The following CUX1 variants were observed in gnomAD, a reference collection of about 807,000 sequenced individuals.
The protein encoded by CUX1 is protein CASP.
A neutral mutation model predicts 158.8 loss-of-function variants in CUX1; 31 were observed. The ratio of observed to expected loss-of-function variants is 0.20; its 90% confidence interval spans 0.15 to 0.26. The LOEUF (loss-of-function observed/expected upper bound fraction) is 0.26. CUX1 is among the 10% of genes least tolerant of loss of function. The pLI, the probability that CUX1 is intolerant of heterozygous loss-of-function variation, is 1.00. For missense variants in CUX1, 1,589 were observed against 2,014.6 expected, an observed-to-expected ratio of 0.79 and a Z score of 4.04; for synonymous variants, 879 against 862.1, an observed-to-expected ratio of 1.02 and a Z score of -0.34.
chr7:101,970,581 A>T (rs1811830558), intron 2 of CUX1, among the ~76,000 whole-genome samples: 1 of 152,018 alleles, frequency 6.6e-6, no homozygotes, highest in South Asian at 2.1e-4. Flanking sequence ...TTTGAAAAGG[A>T]GTCCCATTCA....
At chr7:102,262,962 G>A (rs1218998528), downstream of CUX1, among the ~76,000 whole-genome samples, 3 of 151,874 alleles carry the variant, frequency 2.0e-5, no homozygotes, top group Non-Finnish European at 4.4e-5. Context: ...TGCTTCGAAG[G>A]TGATCAATGT....
chr7:102,082,618 A>G lies in CUX1; in HGVS notation c.268+12201A>G, dbSNP rs1344265024. On this transcript the variant is annotated intron_variant, in intron 4 of 23. Transcript: ENST00000292535. ...CACAGTCAAGATGTAGAACATTTCT[A>G]TCACCTCAAAAGTTCCCTTCTGATC... Among the ~76,000 whole-genome samples, 6 of 147,440 alleles carry G rather than the reference A, an allele frequency of 4.1e-5. 1 individual carries two copies. The highest frequency in any genetic ancestry group is 1.9e-4 in the East Asian group (1 of 5,194).
intron 13 of CUX1, among the ~76,000 whole-genome samples, chr7:102,195,252 AT>A (rs11332617): frequency 0.37 from 56,722 of 152,024 alleles, 10,903 homozygotes; most frequent in Middle Eastern, 0.48. Context: ...AGAATAATTA[AT>A]TTTTTTAGGA....
At chr7:102,022,737 G>A (rs1819530523) in intron 2 of CUX1, among the ~76,000 whole-genome samples, 1 of 152,194 alleles carries the variant, frequency 6.6e-6, no homozygotes, top group African/African-American at 2.4e-5. Flanking sequence ...GAGCTATTTT[G>A]GCTTTTGCCA....
intron 2 of CUX1, among the ~76,000 whole-genome samples, chr7:102,027,201 A>G (rs28461243): frequency 0.12 from 18,760 of 152,130 alleles, 1,227 homozygotes; most frequent in Non-Finnish European, 0.15. Context: ...CTTGGCCAAC[A>G]TGGCAAAAAC....
At chr7:102,002,343 A>G (rs1420495141) in intron 2 of CUX1, among the ~76,000 whole-genome samples, 1 of 152,160 alleles carries the variant, frequency 6.6e-6, no homozygotes, top group Non-Finnish European at 1.5e-5. Flanking sequence ...TGTGGTTGCA[A>G]CTTTTGCACA....
rs188924916 is a variant in CUX1 at position 101,951,536 on chromosome 7, C to T, written c.141+35311C>T. Among the ~76,000 whole-genome samples the T allele has an allele frequency of 1.1e-4, 17 of 151,732 alleles. No homozygotes were observed. In the East Asian group the frequency reaches 1.8e-3, roughly 16 times the overall value. ...TTTTTTTTTTTTCTGGAGACAGTCT[C>T]GCTCTGTTGCCCAGGCTGGAGCGCA... On this transcript the variant is annotated intron_variant, in intron 2 of 23. Transcript: ENST00000292535.
intron 2 of CUX1, among the ~76,000 whole-genome samples, chr7:101,944,268 G>C (rs1337355843): frequency 6.6e-6 from 1 of 152,160 alleles, no homozygotes; most frequent in Non-Finnish European, 1.5e-5. Context: ...GGGGCAGGAG[G>C]GGTGTCCTGC....
exon 23 of CUX1, chr7:102,283,597 A>G: frequency 6.0e-6 from 1 of 165,350 alleles, no homozygotes; most frequent in Non-Finnish European, 1.3e-5. Flanking sequence ...CACCCTGCAG[A>G]GTATATGAGG....
At chr7:102,047,771 T>C (rs1412746192) in intron 3 of CUX1, among the ~76,000 whole-genome samples, 1 of 152,200 alleles carries the variant, frequency 6.6e-6, no homozygotes, top group Non-Finnish European at 1.5e-5. Flanking sequence ...CAGATCTCCC[T>C]TCCCTTGGAA....
At chr7:101,876,976 G>A (rs1799210800) in intron 1 of CUX1, among the ~76,000 whole-genome samples, 1 of 152,082 alleles carries the variant, frequency 6.6e-6, no homozygotes, top group South Asian at 2.1e-4. Context: ...ACCACGTTGG[G>A]ATGGGTATCC....
At chr7:101,951,232 G>A (rs1809018381) in intron 2 of CUX1, among the ~76,000 whole-genome samples, 1 of 151,976 alleles carries the variant, frequency 6.6e-6, no homozygotes, top group Non-Finnish European at 1.5e-5. Context: ...TTGGGAGGCT[G>A]AGGTGGGAGG....
downstream of CUX1, among the ~76,000 whole-genome samples, chr7:102,262,915 C>T (rs1349476711): frequency 1.3e-5 from 2 of 151,688 alleles, no homozygotes; most frequent in East Asian, 1.9e-4. Context: ...GTGGGAGGGA[C>T]AGACAGTAGA....
At chr7:102,219,280 G>A (rs1036487590) in intron 20 of CUX1, among the ~76,000 whole-genome samples, 1 of 151,926 alleles carries the variant, frequency 6.6e-6, no homozygotes, top group Non-Finnish European at 1.5e-5. Context: ...TGGTGGGGGT[G>A]GGGGGGACAT....
chr7:102,084,858 CTTTTTTTTTTTTT>C (rs60908109), intron 4 of CUX1, among the ~76,000 whole-genome samples: 1 of 56,048 alleles, frequency 1.8e-5, no homozygotes, highest in Non-Finnish European at 3.3e-5. Context: ...ATTTTCCTTG[CTTTTTTTTTTTTT>C]TTTTTTTTTT....
chr7:101,901,311 TGAGACG>T (rs1219124299), intron 1 of CUX1, among the ~76,000 whole-genome samples: 2 of 152,088 alleles, frequency 1.3e-5, no homozygotes, highest in Non-Finnish European at 2.9e-5. Context: ...TATTTGTTTT[TGAGACG>T]GAGTCTTGCT....
At position 102,117,431 on chromosome 7, in the gene CUX1, G is replaced by T. The variant is rs1037983269; in HGVS notation, c.674+2158G>T. On this transcript the variant is annotated intron_variant, in intron 8 of 23. Coordinates refer to ENST00000292535, the MANE Select transcript of CUX1 (RefSeq NM_181552.4). Reference sequence around the variant, plus strand: ...AAAAAAAAAAAAAAGGTCAATATTGGGCCTATTTGCAGAGGTGCAGTTCCT... The same window carrying T: ...AAAAAAAAAAAAAAGGTCAATATTGTGCCTATTTGCAGAGGTGCAGTTCCT... Among the ~76,000 whole-genome samples, 340 of 136,112 alleles carry T rather than the reference G, an allele frequency of 2.5e-3. 3 individuals are homozygous for T. Among genetic ancestry groups the T allele is most frequent in the Middle Eastern group, 9.5e-3 (2 of 210 alleles). 89.3% of individuals were successfully genotyped at this position (136,112 alleles called of 152,430 possible). A position where few individuals can be genotyped will look rare whatever the true frequency, so the allele number is the denominator to read the frequency against.
intron 10 of CUX1, among the ~76,000 whole-genome samples, chr7:102,174,949 C>G (rs1586047812): frequency 6.6e-6 from 1 of 152,078 alleles, no homozygotes; most frequent in East Asian, 1.9e-4. Context: ...GACTCCATCT[C>G]AAAAAACAAA....
At chr7:102,111,613 G>A in intron 6 of CUX1, 85 bp from the exon 7 acceptor site, 1 of 1,242,760 alleles carries the variant, frequency 8.0e-7, no homozygotes, top group Non-Finnish European at 1.2e-6. Flanking sequence ...AGCGCAGGGA[G>A]GGAGCTGAGC....
Sources: allele counts gnomAD v4.1 joint callset (sites outside exome capture counted in the v4.1 genomes callset), GRCh38; gene constraint gnomAD v4.1.1; transcripts MANE v1.5; gene names NCBI Gene and HGNC (gene_info 2026-07-23, HGNC 2026-07-21).